WIF1: variants seen among roughly 807,000 people sequenced by gnomAD.
WIF1 encodes Wnt inhibitory factor 1.
A neutral mutation model predicts 53.5 loss-of-function variants in WIF1; 35 were observed. The ratio of observed to expected loss-of-function variants is 0.65; its 90% CI spans 0.50 to 0.87. The LOEUF (loss-of-function observed/expected upper bound fraction) is 0.87. Ranked by LOEUF, WIF1 falls within the 40% of genes least tolerant of loss-of-function variation. WIF1 has a pLI of 0.00. For synonymous variants in WIF1, 171 were observed against 170.4 expected (o/e 1.00, Z -0.03); for missense variants, 467 against 476.8 (o/e 0.98, Z 0.19).
At chr12:65,067,639 G>C in intron 5 of WIF1, 56 bp downstream of exon 5, 1 of 1,531,306 alleles carries the variant, frequency 6.5e-7, no homozygotes, top group Non-Finnish European at 9.0e-7. Flanking sequence ...TGGGGCTCCT[G>C]CACGACATCC....
At chr12:65,083,856 CTTTTA>C (rs1328772333) in intron 2 of WIF1, 2 of 333,422 alleles carry the variant, frequency 6.0e-6, no homozygotes, top group African/African-American at 2.7e-5. Context: ...CTTTTCTTTT[CTTTTA>C]TTTGCACCTC....
chr12:65,060,032 A>C (rs545729221), intron 7 of WIF1, among the ~76,000 whole-genome samples: 71 of 151,928 alleles, frequency 4.7e-4, no homozygotes, highest in African/African-American at 1.5e-3. Flanking sequence ...TTAAAAAAAA[A>C]ACAAAAAACA....
chr12:65,094,898 CTTCTTATTTATTTATTTAT>C (rs1308194458), intron 2 of WIF1, among the ~76,000 whole-genome samples: 1 of 144,012 alleles, frequency 6.9e-6, no homozygotes, highest in Non-Finnish European at 1.5e-5. Context: ...CCTTCCTCTT[CTTCTTATTTATTTATTTAT>C]TTATTTATTT....
chr12:65,070,432 A>G (rs1592390886), intron 3 of WIF1, among the ~76,000 whole-genome samples: 1 of 152,216 alleles, frequency 6.6e-6, no homozygotes, highest in East Asian at 1.9e-4. Flanking sequence ...AATTTACAAA[A>G]CATTTATGAA....
Position 65,054,962 on chromosome 12 carries a change from C to G in WIF1, c.1018+156G>C, listed in dbSNP as rs558051789. ...GGAGAAGAGGCAGAGAAAAAGCTGC[C>G]TTTAATGAAATGGAAAGCAGGGCTG... On this transcript the variant is annotated intron_variant, in intron 9 of 9. Coordinates refer to ENST00000286574, the MANE Select transcript of WIF1 (RefSeq NM_007191.5). Among the ~76,000 whole-genome samples the G allele has an allele frequency of 9.8e-5, 15 of 152,306 alleles. No homozygotes were observed. The East Asian group carries it at 2.7e-3, about 27-fold the overall frequency.
At chr12:65,092,131 T>G (rs979885067) in intron 2 of WIF1, among the ~76,000 whole-genome samples, 1 of 152,108 alleles carries the variant, frequency 6.6e-6, no homozygotes. Flanking sequence ...TCATGTCCTT[T>G]GCAGGGACAT....
chr12:65,090,913 G>C (rs1022768140), intron 2 of WIF1, among the ~76,000 whole-genome samples: 1 of 152,108 alleles, frequency 6.6e-6, no homozygotes. Context: ...AAGCAGCTTG[G>C]AGATTCCTGG....
intron 2 of WIF1, among the ~76,000 whole-genome samples, chr12:65,093,818 A>C (rs1441337444): frequency 1.3e-5 from 2 of 152,128 alleles, no homozygotes; most frequent in Non-Finnish European, 2.9e-5. Context: ...ATACAGACTG[A>C]TTCTGGCCCC....
chr12:65,089,979 T>A (rs1207310849), intron 2 of WIF1, among the ~76,000 whole-genome samples: 1 of 152,142 alleles, frequency 6.6e-6, no homozygotes, highest in Non-Finnish European at 1.5e-5. Context: ...AAAAAATGAA[T>A]GCAAACTTTA....
At chr12:65,074,329 G>C (rs1428403346) in intron 3 of WIF1, among the ~76,000 whole-genome samples, 1 of 151,974 alleles carries the variant, frequency 6.6e-6, no homozygotes, top group South Asian at 2.1e-4. Flanking sequence ...ACCAGAAGCT[G>C]AGCAGGTAAG....
intron 7 of WIF1, among the ~76,000 whole-genome samples, chr12:65,058,228 C>T (rs772379039): frequency 1.3e-5 from 2 of 152,086 alleles, no homozygotes; most frequent in African/African-American, 2.4e-5. Flanking sequence ...AACATATACA[C>T]AAAATTGGGT....
At chr12:65,083,780 CCCTTT>C (rs71096021) in intron 2 of WIF1, 5,576 of 239,392 alleles carry the variant, frequency 0.023, 196 homozygotes, top group South Asian at 0.052. Flanking sequence ...TTTTCCCTTT[CCCTTT>C]CCTTTCCTTT....
chr12:65,072,191 TC>T (rs1882794629), intron 3 of WIF1, among the ~76,000 whole-genome samples: 1 of 152,162 alleles, frequency 6.6e-6, no homozygotes, highest in Non-Finnish European at 1.5e-5. Flanking sequence ...GCAAACTATT[TC>T]TCTCAGTTCC....
chr12:65,084,942 C>T (rs1883013012), intron 2 of WIF1, among the ~76,000 whole-genome samples: 1 of 152,148 alleles, frequency 6.6e-6, no homozygotes, highest in South Asian at 2.1e-4. Flanking sequence ...CAATCAAACA[C>T]TGACATTTGT....
intron 2 of WIF1, among the ~76,000 whole-genome samples, chr12:65,119,440 C>T (rs1021153495): frequency 4.3e-4 from 65 of 152,218 alleles, no homozygotes; most frequent in African/African-American, 1.6e-3. Flanking sequence ...CTAAAAAGGT[C>T]ATGTCTATAC....
chr12:65,090,494 G>A (rs1276675306), intron 2 of WIF1, among the ~76,000 whole-genome samples: 5 of 152,086 alleles, frequency 3.3e-5, no homozygotes, highest in African/African-American at 7.2e-5. Flanking sequence ...GTAAAAAATC[G>A]AGACTGTGAT....
intron 2 of WIF1, among the ~76,000 whole-genome samples, chr12:65,109,577 T>C (rs1883399449): frequency 6.6e-6 from 1 of 152,226 alleles, no homozygotes; most frequent in African/African-American, 2.4e-5. Context: ...GTTAGATCAG[T>C]TAAAGCTTGT....
At chr12:65,112,798 A>G (rs1369438579) in intron 2 of WIF1, among the ~76,000 whole-genome samples, 1 of 152,114 alleles carries the variant, frequency 6.6e-6, no homozygotes, top group African/African-American at 2.4e-5. Flanking sequence ...GGACATCCTG[A>G]GCTCTTCCCT....
intron 6 of WIF1, among the ~76,000 whole-genome samples, chr12:65,063,523 A>G (rs1429242516): frequency 6.6e-6 from 1 of 152,178 alleles, no homozygotes; most frequent in Non-Finnish European, 1.5e-5. Flanking sequence ...TCCAGTAGGA[A>G]AATCAGAAAA....
Sources: allele counts gnomAD v4.1 joint callset (sites outside exome capture counted in the v4.1 genomes callset), GRCh38; gene constraint gnomAD v4.1.1; transcripts MANE v1.5; gene names NCBI Gene and HGNC (gene_info 2026-07-23, HGNC 2026-07-21).